PDE4B: variants seen among roughly 807,000 people sequenced by gnomAD.
The protein encoded by PDE4B is phosphodiesterase 4B.
In PDE4B, 20 loss-of-function variants were observed where a neutral mutation model predicts 82.2. That is an observed-to-expected ratio of 0.24 (90% CI 0.17 to 0.35). The LOEUF is 0.35. Among genes scored for constraint, PDE4B ranks in the 10% least tolerant of loss-of-function variants. The probability of loss-of-function intolerance (pLI) is 1.00; values close to 1 mark genes in which losing one functional copy is unlikely to be tolerated. For synonymous variants in PDE4B, 320 were observed against 318.9 expected (o/e 1.00, Z -0.04); for missense variants, 655 against 907.2 (o/e 0.72, Z 3.57).
chr1:66,328,784 G>A (rs1312331678), intron 7 of PDE4B, among the ~76,000 whole-genome samples: 1 of 152,186 alleles, frequency 6.6e-6, no homozygotes, highest in Non-Finnish European at 1.5e-5. Flanking sequence ...GTCTGAGTTA[G>A]CCACATGTGC....
At chr1:66,256,487 G>A (rs1260662598) in intron 4 of PDE4B, among the ~76,000 whole-genome samples, 5 of 152,116 alleles carry the variant, frequency 3.3e-5, no homozygotes, top group Non-Finnish European at 5.9e-5. Flanking sequence ...TCTTTTTATT[G>A]TCACTGTACA....
intron 7 of PDE4B, among the ~76,000 whole-genome samples, chr1:66,282,380 A>G (rs1048490942): frequency 6.6e-6 from 1 of 152,186 alleles, no homozygotes; most frequent in Admixed American, 6.5e-5. Context: ...AGGACGTAAC[A>G]GAGCTGTGGG....
intron 3 of PDE4B, among the ~76,000 whole-genome samples, chr1:66,128,673 G>A (rs561442287): frequency 6.6e-5 from 10 of 152,292 alleles, no homozygotes; most frequent in African/African-American, 1.9e-4. Flanking sequence ...TCACACTGCT[G>A]ATAAAGACAT....
At chr1:65,982,654 A>G (rs1403510794) in intron 3 of PDE4B, among the ~76,000 whole-genome samples, 2 of 152,194 alleles carry the variant, frequency 1.3e-5, no homozygotes, top group African/African-American at 2.4e-5. Context: ...ACAGGAGGCC[A>G]ACAAGATTTT....
chr1:66,195,908 A>G (rs1648259452), intron 3 of PDE4B, among the ~76,000 whole-genome samples: 1 of 151,586 alleles, frequency 6.6e-6, no homozygotes, highest in Non-Finnish European at 1.5e-5. Flanking sequence ...TGATAATGAC[A>G]CAAAGCTATA....
chr1:66,340,310 G>A (rs1199137040), intron 8 of PDE4B, among the ~76,000 whole-genome samples: 1 of 152,200 alleles, frequency 6.6e-6, no homozygotes, highest in Non-Finnish European at 1.5e-5. Flanking sequence ...GGACTGTTAA[G>A]TTATTTAGAA....
intron 3 of PDE4B, among the ~76,000 whole-genome samples, chr1:66,191,649 G>T (rs1647816624): frequency 6.6e-6 from 1 of 152,098 alleles, no homozygotes; most frequent in Non-Finnish European, 1.5e-5. Flanking sequence ...GGAGAATCGA[G>T]AGCGTTACCT....
intron 7 of PDE4B, among the ~76,000 whole-genome samples, chr1:66,328,889 T>C (rs1329078543): frequency 2.0e-5 from 3 of 152,204 alleles, no homozygotes; most frequent in Admixed American, 6.5e-5. Flanking sequence ...GGGATGAACC[T>C]CTTGTCCACC....
intron 1 of PDE4B, among the ~76,000 whole-genome samples, chr1:65,822,401 T>C (rs1570974985): frequency 6.6e-6 from 1 of 152,220 alleles, no homozygotes; most frequent in Non-Finnish European, 1.5e-5. Flanking sequence ...TTTTCAACTT[T>C]GCAAAATGAT....
intron 3 of PDE4B, among the ~76,000 whole-genome samples, chr1:66,039,642 T>C (rs1250996802): frequency 1.3e-5 from 2 of 152,036 alleles, no homozygotes; most frequent in South Asian, 4.1e-4. Flanking sequence ...TGAAGCGAGA[T>C]AAACATGGAT....
chr1:65,954,391 A>C (rs1319805232), intron 3 of PDE4B, among the ~76,000 whole-genome samples: 5 of 152,136 alleles, frequency 3.3e-5, no homozygotes, highest in Non-Finnish European at 4.4e-5. Context: ...CTACTGAGGC[A>C]GTAGCAACCT....
chr1:66,130,386 G>A (rs577630230), intron 3 of PDE4B, among the ~76,000 whole-genome samples: 1 of 152,288 alleles, frequency 6.6e-6, no homozygotes, highest in South Asian at 2.1e-4. Flanking sequence ...ATTTAGTGGT[G>A]AGTGCCAGGG....
chr1:66,289,897 A>G (rs757828839), intron 7 of PDE4B, among the ~76,000 whole-genome samples: 3 of 152,100 alleles, frequency 2.0e-5, no homozygotes, highest in Non-Finnish European at 4.4e-5. Flanking sequence ...GGTGAAATAG[A>G]TAAGATGATG....
In PDE4B at chr1:65,871,188, A is replaced by G. The variant is rs183499866; in HGVS notation, c.-70-42057A>G. Among the ~76,000 whole-genome samples the G allele has an allele frequency of 2.2e-4, 34 of 152,308 alleles. 1 individual carries two copies. The highest frequency in any genetic ancestry group is 7.9e-4 in the African/African-American group (33 of 41,568). On this transcript the variant is annotated intron_variant, in intron 1 of 16. Coordinates refer to ENST00000341517, the MANE Select transcript of PDE4B (RefSeq NM_002600.4). ...GTCAGAATCCTTCAAATGATGATTT[A>G]ATTTGATCTATTTGAAGTATGCTTT...
intron 8 of PDE4B, chr1:66,354,664 G>A: frequency 7.1e-7 from 1 of 1,402,736 alleles, no homozygotes; most frequent in Non-Finnish European, 9.2e-7. Flanking sequence ...AGAATGGAGT[G>A]CGAAGATGGG....
At chr1:66,338,638 A>G (rs1221958679) in intron 8 of PDE4B, among the ~76,000 whole-genome samples, 3 of 152,210 alleles carry the variant, frequency 2.0e-5, no homozygotes, top group African/African-American at 7.2e-5. Context: ...AGCCTAAGAT[A>G]AGATAGTAAA....
At position 66,059,051 on chromosome 1, in the gene PDE4B, G is replaced by A. The variant is rs933345661; in HGVS notation, c.281+140216G>A. Among the ~76,000 whole-genome samples, 6 of 152,024 alleles carry A rather than the reference G, an allele frequency of 3.9e-5. No homozygotes were observed. In the East Asian group the frequency reaches 5.8e-4, roughly 15 times the overall value. On this transcript the variant is annotated intron_variant, in intron 3 of 16. Transcript: ENST00000341517. ...ACACAAGTCACCTCTTGAATGTTTC[G>A]CTGCTTAGAAATTTTTTCCACCATA...
intron 7 of PDE4B, among the ~76,000 whole-genome samples, chr1:66,296,906 A>G (rs1466718884): frequency 1.3e-5 from 2 of 152,230 alleles, no homozygotes; most frequent in African/African-American, 2.4e-5. Context: ...TGACCCTTCC[A>G]GAGCCTCAAA....
chr1:66,242,036 C>T (rs1652932662), intron 3 of PDE4B, among the ~76,000 whole-genome samples: 1 of 152,166 alleles, frequency 6.6e-6, no homozygotes, highest in South Asian at 2.1e-4. Flanking sequence ...GGCTTCATTC[C>T]TGCTTCAAGG....
Sources: allele counts gnomAD v4.1 joint callset (sites outside exome capture counted in the v4.1 genomes callset), GRCh38; gene constraint gnomAD v4.1.1; transcripts MANE v1.5; gene names NCBI Gene and HGNC (gene_info 2026-07-23, HGNC 2026-07-21).